The following TYW1 variants were observed in gnomAD, a reference collection of about 807,000 sequenced individuals.
The protein encoded by TYW1 is tRNA-yW synthesizing protein 1 homolog, also known as S-adenosyl-L-methionine-dependent tRNA 4-demethylwyosine synthase TYW1.
A neutral mutation model predicts 96.2 loss-of-function variants in TYW1; 46 were observed. The ratio of observed to expected loss-of-function variants is 0.48; its 90% CI spans 0.38 to 0.61. The LOEUF (loss-of-function observed/expected upper bound fraction) is 0.61. TYW1 is among the 20% of genes least tolerant of loss of function. TYW1 has a pLI of 0.00. For synonymous variants in TYW1, 274 were observed against 323.0 expected (o/e 0.85, Z 1.63); for missense variants, 684 against 909.6 (o/e 0.75, Z 3.19).
intron 14 of TYW1, among the ~76,000 whole-genome samples, chr7:67,184,117 C>A (rs1444645379): frequency 3.3e-5 from 5 of 152,186 alleles, no homozygotes; most frequent in Non-Finnish European, 7.3e-5. Context: ...CTGTGCCCGG[C>A]TGATGTGTAT....
chr7:67,083,416 C>G lies in TYW1; in HGVS notation c.1275-14C>G, dbSNP rs557202172. ...TACAGAAGGGTCTTTTAGAACTTTGCATCTTGTTCCTAGGCACCACACCAA... is the reference window on the plus strand; with the variant it reads ...TACAGAAGGGTCTTTTAGAACTTTGGATCTTGTTCCTAGGCACCACACCAA... On this transcript the variant is annotated splice_polypyrimidine_tract_variant and intron_variant, in intron 10 of 15. Transcript: ENST00000359626. The G allele has an allele frequency of 2.5e-5, 40 of 1,613,090 alleles. No individual in the cohort carries two copies. The African/African-American group carries it at 4.8e-4, about 19-fold the overall frequency.
At chr7:67,166,334 TATATATAATATA>T (rs1799326730) in intron 13 of TYW1, among the ~76,000 whole-genome samples, 3 of 141,066 alleles carry the variant, frequency 2.1e-5, no homozygotes, top group African/African-American at 7.9e-5. Context: ...ACATATATAA[TATATATAATATA>T]TAATTATATA....
chr7:67,110,232 G>T (rs1338508473), intron 12 of TYW1, among the ~76,000 whole-genome samples: 2 of 152,272 alleles, frequency 1.3e-5, no homozygotes, highest in East Asian at 3.9e-4. Context: ...GATGTCATAG[G>T]GGACTTTGAA....
At chr7:67,222,895 A>T in intron 15 of TYW1, among the ~76,000 whole-genome samples, 3 of 106,608 alleles carry the variant, frequency 2.8e-5, no homozygotes, top group East Asian at 2.4e-4. Flanking sequence ...TGCTATTCGG[A>T]CGTGATCATT....
intron 13 of TYW1, among the ~76,000 whole-genome samples, chr7:67,134,174 A>C (rs1251254586): frequency 3.9e-5 from 6 of 152,146 alleles, no homozygotes; most frequent in Non-Finnish European, 8.8e-5. Flanking sequence ...ATAATAATTC[A>C]TGCATCCTAG....
intron 13 of TYW1, among the ~76,000 whole-genome samples, chr7:67,142,384 G>A (rs1291290545): frequency 6.6e-6 from 1 of 151,932 alleles, no homozygotes; most frequent in African/African-American, 2.4e-5. Flanking sequence ...GATTATAGAT[G>A]TGAGCCACCA....
intron 13 of TYW1, among the ~76,000 whole-genome samples, chr7:67,165,600 T>C (rs769549231): frequency 3.5e-4 from 53 of 152,058 alleles, no homozygotes; most frequent in Non-Finnish European, 6.9e-4. Flanking sequence ...CATAATATCA[T>C]TTTATCCGTG....
At chr7:67,127,819 A>G (rs909051092) in intron 13 of TYW1, among the ~76,000 whole-genome samples, 1 of 152,112 alleles carries the variant, frequency 6.6e-6, no homozygotes, top group African/African-American at 2.4e-5. Flanking sequence ...ACATTTTCAT[A>G]GGGTGCAGAT....
In TYW1 at chr7:67,119,673, A is replaced by C. The variant is rs184449278; in HGVS notation, c.1698+2055A>C. Among the ~76,000 whole-genome samples, 468 of 152,274 alleles carry C rather than the reference A, an allele frequency of 3.1e-3. 4 individuals are homozygous for C. The highest frequency in any genetic ancestry group is 0.01 in the African/African-American group (435 of 41,550). On this transcript the variant is annotated intron_variant, in intron 13 of 15. Coordinates refer to ENST00000359626, the MANE Select transcript of TYW1 (RefSeq NM_018264.4). ...CTTCCTAAGTTTTATATCTATTAAA[A>C]AACACTGTTTTTCTTCTGTTTTGTC...
At chr7:67,026,576 A>C (rs62466617) in intron 7 of TYW1, among the ~76,000 whole-genome samples, 45,801 of 151,384 alleles carry the variant, frequency 0.3, 7,194 homozygotes, top group East Asian at 0.53. Flanking sequence ...GGTCCTCTAG[A>C]CTCTTAGATC....
chr7:67,059,726 A>G (rs1584512123), intron 9 of TYW1, among the ~76,000 whole-genome samples: 1 of 151,354 alleles, frequency 6.6e-6, no homozygotes, highest in East Asian at 1.9e-4. Flanking sequence ...CTTTTGATCA[A>G]GATCTTTCTC....
intron 9 of TYW1, among the ~76,000 whole-genome samples, chr7:67,062,488 ATCACCCAGATGTAGCCCATCTGCAG>A (rs905970113): frequency 6.7e-6 from 1 of 149,594 alleles, no homozygotes; most frequent in Non-Finnish European, 1.5e-5. Context: ...GTTTTCTGCA[ATCACCCAGATGTAGCCCATCTGCAG>A]TCACCCAGAT....
intron 13 of TYW1, among the ~76,000 whole-genome samples, chr7:67,153,079 T>C (rs868575271): frequency 1.3e-5 from 2 of 152,362 alleles, no homozygotes; most frequent in South Asian, 4.1e-4. Context: ...GCCTTCACAG[T>C]TGCTAGATGA....
At chr7:67,083,656 G>A (rs1277825661) in intron 11 of TYW1, 117 bp downstream of exon 11, 4 of 1,131,436 alleles carry the variant, frequency 3.5e-6, no homozygotes, top group South Asian at 1.6e-5. Context: ...TTCCTCTAAG[G>A]AAGTGAAAAC....
At chr7:67,132,059 C>T (rs10233035) in intron 13 of TYW1, among the ~76,000 whole-genome samples, 41,595 of 151,400 alleles carry the variant, frequency 0.27, 6,535 homozygotes, top group African/African-American at 0.43. Flanking sequence ...GCAACACCCT[C>T]ACAGACACAC....
In TYW1 at chr7:67,098,552, G is replaced by A. The variant is rs764670113; in HGVS notation, c.1396G>A (p.Val466Ile). ...MIKQFKGVPG[V>I]KAERFEEGMT... ...ACTGTATTCTCCAGGAGTACCGGGCGTCAAAGCAGAACGCTTTGAAGAAGG... is the reference window on the plus strand; with the variant it reads ...ACTGTATTCTCCAGGAGTACCGGGCATCAAAGCAGAACGCTTTGAAGAAGG... Residue 466 changes from valine to isoleucine, a missense_variant, in exon 12 of 16, where the codon GTC becomes ATC. By Grantham distance (29) the Val-to-Ile change is conservative. Transcript: ENST00000359626. The A allele has an allele frequency of 7.0e-6, 11 of 1,579,222 alleles. No individual in the cohort carries two copies. The highest frequency in any genetic ancestry group is 2.3e-5 in the South Asian group (2 of 87,218).
chr7:67,018,977 A>AAAAAC lies in TYW1; in HGVS notation c.861+839_861+843dup, dbSNP rs764868453. ...TCTCAAAAAAAAAAAAAAAAAAGAAAAAAACAAAATACTGGGCCTCCCAAA... is the reference window on the plus strand; with the variant it reads ...TCTCAAAAAAAAAAAAAAAAAAGAAAAAAACAAAACAAAATACTGGGCCTCCCAAA... On this transcript the variant is annotated intron_variant, in intron 6 of 15. Transcript: ENST00000359626. 5.6e-4 allele frequency among the ~76,000 whole-genome samples: 56 copies of AAAAAC among 100,476 alleles called. 1 individual carries two copies. Among genetic ancestry groups the AAAAAC allele is most frequent in the Non-Finnish European group, 8.9e-4 (40 of 44,874 alleles). The allele number at this position is 100,476 out of a possible 152,430, so 65.9% of individuals were successfully genotyped here. A position where few individuals can be genotyped will look rare whatever the true frequency, so the allele number is the denominator to read the frequency against.
intron 15 of TYW1, among the ~76,000 whole-genome samples, chr7:67,235,400 A>G (rs1801852479): frequency 6.6e-6 from 1 of 152,230 alleles, no homozygotes; most frequent in Admixed American, 6.5e-5. Context: ...ACTGTCATGC[A>G]TGTTGAATTA....
intron 7 of TYW1, among the ~76,000 whole-genome samples, chr7:67,044,610 G>A (rs1434437028): frequency 6.6e-6 from 1 of 152,034 alleles, no homozygotes; most frequent in Non-Finnish European, 1.5e-5. Context: ...GAATTTGGGC[G>A]TTCTGTAGCC....
Sources: gnomAD v4.1 joint callset for allele counts (sites outside exome capture counted in the v4.1 genomes callset) on GRCh38, gnomAD v4.1.1 for gene constraint, MANE v1.5 for transcripts, NCBI Gene and HGNC (gene_info 2026-07-23, HGNC 2026-07-21) for gene names.